Variants in ABAT observed in about 807,000 individuals in gnomAD.
ABAT encodes the protein 4-aminobutyrate aminotransferase, also known as 4-aminobutyrate aminotransferase, mitochondrial.
ABAT carries 45 observed loss-of-function variants against 64.6 expected under a neutral mutation model. That is an observed-to-expected ratio of 0.70 (90% CI 0.55 to 0.89). ABAT has a LOEUF of 0.89. ABAT is among the 40% of genes least tolerant of loss of function. The pLI is 0.00. For missense variants in ABAT, 633 were observed against 658.4 expected, an observed-to-expected ratio of 0.96 and a Z score of 0.42; for synonymous variants, 297 against 250.5, an observed-to-expected ratio of 1.19 and a Z score of -1.75.
intron 1 of ABAT, chr16:8,721,044 G>A (rs2058354644): frequency 6.6e-6 from 1 of 152,212 alleles, no homozygotes; most frequent in South Asian, 2.1e-4. Context: ...AAGGACTTCT[G>A]CCAGCCCACA....
intron 1 of ABAT, among the ~76,000 whole-genome samples, chr16:8,726,262 CTT>C (rs71152921): frequency 2.5e-5 from 3 of 120,804 alleles, no homozygotes; most frequent in Admixed American, 2.0e-4. Flanking sequence ...ATGACTAGAT[CTT>C]TTTTTTTTTT....
chr16:8,720,992 ATTGT>A (rs1437222711), intron 1 of ABAT: 10 of 152,290 alleles, frequency 6.6e-5, no homozygotes, highest in African/African-American at 1.9e-4. Context: ...TTATTCAATG[ATTGT>A]TTGCAGGCAG....
At chr16:8,724,519 C>T (rs986836204) in intron 1 of ABAT, among the ~76,000 whole-genome samples, 1 of 151,988 alleles carries the variant, frequency 6.6e-6, no homozygotes, top group South Asian at 2.1e-4. Context: ...ACTGCTTGAG[C>T]CCAGGAGTTC....
In ABAT at chr16:8,764,244, C is replaced by A; in HGVS notation, c.447+95C>A. The A allele has an allele frequency of 9.5e-7, 1 of 1,054,456 alleles. No homozygotes were observed. The highest frequency in any genetic ancestry group is 1.5e-6 in the Non-Finnish European group (1 of 685,560). The allele number at this position is 1,054,456 out of a possible 1,614,324, so 65.3% of individuals were successfully genotyped here. A position where few individuals can be genotyped will look rare whatever the true frequency, so the allele number is the denominator to read the frequency against. On this transcript the variant is annotated intron_variant, in intron 7 of 15. Coordinates refer to ENST00000268251, the MANE Select transcript of ABAT (RefSeq NM_020686.6). This position sits in a 1 kb window ranked among gnomAD's most constrained non-coding sequence, Gnocchi z 4.2. ...GCCAACAATGAAGAATAAGGTGTTG[C>A]TACAGAAATCTTTCTCTCTGAGCTT...
intron 1 of ABAT, among the ~76,000 whole-genome samples, chr16:8,698,879 G>A (rs185409272): frequency 1.3e-5 from 2 of 152,314 alleles, no homozygotes; most frequent in East Asian, 1.9e-4. Context: ...CAAGGAGGTG[G>A]AGGTTGAAGT....
chr16:8,730,233 C>CT (rs1204775507), intron 1 of ABAT, among the ~76,000 whole-genome samples: 2 of 152,138 alleles, frequency 1.3e-5, no homozygotes, highest in African/African-American at 2.4e-5. Flanking sequence ...TTTATGTGCC[C>CT]TAGTGCCCAG....
intron 1 of ABAT, among the ~76,000 whole-genome samples, chr16:8,685,644 C>A (rs1358320471): frequency 1.3e-5 from 2 of 152,154 alleles, no homozygotes; most frequent in African/African-American, 2.4e-5. Context: ...CCACTGCACT[C>A]CAGCCTGGGC....
intron 1 of ABAT, among the ~76,000 whole-genome samples, chr16:8,707,928 T>G (rs529814633): frequency 1.1e-4 from 17 of 152,170 alleles, no homozygotes; most frequent in Non-Finnish European, 2.1e-4. Context: ...ATGAAACTCA[T>G]GAAATCATCA....
At chr16:8,745,870 G>C (rs367582377) in intron 2 of ABAT, 131 bp from the exon 3 acceptor site, 36 of 804,566 alleles carry the variant, frequency 4.5e-5, no homozygotes, top group Admixed American at 1.0e-4. Context: ...ACAGTGTTCT[G>C]GGGTGGTCTG....
At chr16:8,690,774 A>C (rs1186520798) in intron 1 of ABAT, among the ~76,000 whole-genome samples, 2 of 152,166 alleles carry the variant, frequency 1.3e-5, no homozygotes, top group Non-Finnish European at 2.9e-5. Flanking sequence ...AATTGTGGGG[A>C]GGAAGTTGAA....
intron 1 of ABAT, among the ~76,000 whole-genome samples, chr16:8,680,259 C>T (rs529604823): frequency 6.6e-6 from 1 of 152,208 alleles, no homozygotes; most frequent in African/African-American, 2.4e-5. Flanking sequence ...TGCCTGGAAG[C>T]AGCCATCACA....
At chr16:8,742,205 C>T (rs553835562) in intron 2 of ABAT, among the ~76,000 whole-genome samples, 11 of 152,196 alleles carry the variant, frequency 7.2e-5, no homozygotes, top group South Asian at 2.1e-4. Context: ...TTGACATGCT[C>T]ATTATCGCAG....
intron 11 of ABAT, among the ~76,000 whole-genome samples, chr16:8,771,677 C>T (rs1377526140): frequency 6.6e-6 from 1 of 152,058 alleles, no homozygotes; most frequent in Non-Finnish European, 1.5e-5. Context: ...CCATGGTAGC[C>T]AGGCTGGTCT....
At chr16:8,674,862 A>G (rs778987529) in intron 1 of ABAT, among the ~76,000 whole-genome samples, 151 bp downstream of exon 1, 5 of 152,072 alleles carry the variant, frequency 3.3e-5, no homozygotes, top group African/African-American at 2.4e-5. Flanking sequence ...CTCCCCCGAA[A>G]AGACAGGGGC....
intron 2 of ABAT, among the ~76,000 whole-genome samples, chr16:8,744,442 A>G (rs1410466367): frequency 2.6e-5 from 4 of 151,772 alleles, no homozygotes; most frequent in Non-Finnish European, 4.4e-5. Context: ...ATCTTGGCTC[A>G]CTGCAGCCTC....
At chr16:8,738,741 T>C (rs2059069090) in intron 2 of ABAT, among the ~76,000 whole-genome samples, 2 of 151,544 alleles carry the variant, frequency 1.3e-5, no homozygotes, top group African/African-American at 4.9e-5. Context: ...ACCTCCCGGA[T>C]TCAAGTGATC....
rs562472452 is a variant in ABAT, at chr16:8,741,839, C to T, written c.71-4162C>T. On this transcript the variant is annotated intron_variant, in intron 2 of 15. Coordinates refer to ENST00000268251, the MANE Select transcript of ABAT (RefSeq NM_020686.6). The stretch of plus-strand genomic sequence containing the variant: ...CTTCAACTCACTAGCTGTGTGACAT[C>T]GGGAAAGTCACTTAACATCTCTGAT... Among the ~76,000 whole-genome samples, 16 of 152,302 alleles carry T rather than the reference C, an allele frequency of 1.1e-4. No individual in the cohort carries two copies. In the East Asian group the frequency reaches 1.9e-3, roughly 18 times the overall value.
At chr16:8,679,141 G>A (rs896159967) in intron 1 of ABAT, among the ~76,000 whole-genome samples, 1 of 152,082 alleles carries the variant, frequency 6.6e-6, no homozygotes, top group African/African-American at 2.4e-5. Context: ...TTGTGAGTGA[G>A]CCACTGCACT....
chr16:8,738,302 C>T, intron 2 of ABAT: 2 of 412,962 alleles, frequency 4.8e-6, no homozygotes, highest in South Asian at 1.8e-5. Context: ...GCCTGGGTGG[C>T]CTTGTCTTAA....
Sources: allele counts gnomAD v4.1 joint callset (sites outside exome capture counted in the v4.1 genomes callset), GRCh38; gene constraint gnomAD v4.1.1; non-coding constraint Gnocchi (gnomAD v3.1); transcripts MANE v1.5; gene names NCBI Gene and HGNC (gene_info 2026-07-23, HGNC 2026-07-21).